CCNH: variants seen among roughly 807,000 people sequenced by gnomAD.
The protein encoded by CCNH is cyclin H.
Under a neutral mutation model 41.9 loss-of-function variants are expected in CCNH, and 31 were observed. The ratio of observed to expected loss-of-function variants is 0.74; its 90% CI spans 0.56 to 1.00. The LOEUF (loss-of-function observed/expected upper bound fraction) is 1.00. CCNH is among the 50% of genes least tolerant of loss of function. The pLI, the probability that CCNH is intolerant of heterozygous loss-of-function variation, is 0.00. For synonymous variants in CCNH, 138 were observed against 136.1 expected (o/e 1.01, Z -0.10); for missense variants, 362 against 388.4 (o/e 0.93, Z 0.57).
intron 7 of CCNH, among the ~76,000 whole-genome samples, chr5:87,398,834 G>A (rs1469176697): frequency 2.0e-5 from 3 of 151,986 alleles, no homozygotes; most frequent in Non-Finnish European, 2.9e-5. Context: ...TTAGCTGGGC[G>A]TGGTGGAGGG....
At chr5:87,386,831 C>G, downstream of CCNH, 1 of 1,612,478 alleles carries the variant, frequency 6.2e-7, no homozygotes, top group Non-Finnish European at 8.5e-7. Flanking sequence ...TTCAGGAGCC[C>G]TACATGGAAG....
chr5:87,327,623 C>G (rs1006408603), intron 9 of CCNH, among the ~76,000 whole-genome samples: 4 of 152,136 alleles, frequency 2.6e-5, no homozygotes, highest in African/African-American at 7.2e-5. Context: ...CATAATCATA[C>G]TTCTTTGAGT....
intron 9 of CCNH, among the ~76,000 whole-genome samples, chr5:87,329,676 G>C (rs1757472522): frequency 6.6e-6 from 1 of 152,122 alleles, no homozygotes; most frequent in East Asian, 1.9e-4. Context: ...TAAAAATAGA[G>C]ATTTTTAAAA....
chr5:87,350,742 G>A (rs1759200851), intron 9 of CCNH, among the ~76,000 whole-genome samples: 1 of 151,082 alleles, frequency 6.6e-6, no homozygotes, highest in South Asian at 2.1e-4. Flanking sequence ...TTAAATGTAT[G>A]TTAATTTAGT....
At chr5:87,350,278 A>G (rs1759166504) in intron 9 of CCNH, among the ~76,000 whole-genome samples, 1 of 151,880 alleles carries the variant, frequency 6.6e-6, no homozygotes, top group South Asian at 2.1e-4. Flanking sequence ...CCTACCTCAT[A>G]TACAGGTTGC....
downstream of CCNH, among the ~76,000 whole-genome samples, chr5:87,388,283 T>G (rs994883014): frequency 3.9e-5 from 6 of 152,194 alleles, no homozygotes; most frequent in African/African-American, 1.4e-4. Flanking sequence ...TGTTTTGCAG[T>G]TTTTAGCAAT....
At chr5:87,335,775 T>C (rs1183549498) in intron 9 of CCNH, among the ~76,000 whole-genome samples, 2 of 152,116 alleles carry the variant, frequency 1.3e-5, no homozygotes, top group Non-Finnish European at 2.9e-5. Flanking sequence ...CTAGAAGATA[T>C]AGATAGCTCA....
At chr5:87,400,914 A>C (rs542029136) in intron 6 of CCNH, among the ~76,000 whole-genome samples, 325 of 152,314 alleles carry the variant, frequency 2.1e-3, no homozygotes, top group Middle Eastern at 3.4e-3. Flanking sequence ...ATTCTACTCA[A>C]CTCTCAACAC....
chr5:87,402,739 T>C (rs1763509649), intron 5 of CCNH, among the ~76,000 whole-genome samples: 1 of 152,168 alleles, frequency 6.6e-6, no homozygotes, highest in South Asian at 2.1e-4. Flanking sequence ...CATTTCTGGC[T>C]ACCAGTAATT....
upstream of CCNH, chr5:87,379,770 G>T: frequency 6.2e-7 from 1 of 1,612,592 alleles, no homozygotes; most frequent in South Asian, 1.1e-5. Flanking sequence ...ATGAAGATGT[G>T]AACACTAATT....
downstream of CCNH, chr5:87,389,241 G>C (rs1217321607): frequency 2.3e-6 from 2 of 870,376 alleles, no homozygotes; most frequent in Admixed American, 2.2e-5. Flanking sequence ...TGAGGCAGGA[G>C]AATCGCTTGA....
chr5:87,322,392 C>T (rs1005340292), intron 9 of CCNH, among the ~76,000 whole-genome samples: 15 of 152,216 alleles, frequency 9.9e-5, no homozygotes, highest in Admixed American at 2.6e-4. Context: ...TTATGAGAAT[C>T]TAATGGTTGA....
At chr5:87,385,811 C>T (rs1762024915) in intron 9 of CCNH, among the ~76,000 whole-genome samples, 1 of 151,996 alleles carries the variant, frequency 6.6e-6, no homozygotes, top group African/African-American at 2.4e-5. Flanking sequence ...TATCATGCCT[C>T]CTGCTTTTGT....
downstream of CCNH, among the ~76,000 whole-genome samples, chr5:87,315,068 A>T (rs1048705051): frequency 2.6e-5 from 4 of 152,250 alleles, no homozygotes; most frequent in African/African-American, 9.6e-5. Context: ...TTTTATATTA[A>T]AATGGATATA....
Position 87,333,998 on chromosome 5 carries a change from A to T in CCNH, c.*91-15101T>A, listed in dbSNP as rs951853947. On this transcript the variant is annotated intron_variant and NMD_transcript_variant, in intron 9 of 9. Transcript: ENST00000645953. ...GTAATTTTAAAAAATTTTTAGTGGG[A>T]TCATTTAGGACAGCAGTTCTGTAAG... Among the ~76,000 whole-genome samples the T allele has an allele frequency of 1.2e-4, 18 of 152,140 alleles. 1 individual carries two copies. The highest frequency in any genetic ancestry group is 9.8e-4 in the Admixed American group (15 of 15,268).
At chr5:87,333,077 T>C (rs1580283923) in intron 9 of CCNH, among the ~76,000 whole-genome samples, 1 of 152,088 alleles carries the variant, frequency 6.6e-6, no homozygotes, top group African/African-American at 2.4e-5. Flanking sequence ...AAAATATGAT[T>C]TTCATAAAAA....
intron 9 of CCNH, chr5:87,385,201 A>G (rs1006218672): frequency 1.3e-6 from 1 of 791,024 alleles, no homozygotes; most frequent in African/African-American, 1.7e-5. Flanking sequence ...AATGGGTAGT[A>G]GTTTAACAGT....
At chr5:87,312,469 T>C in the CCNH span, among the ~76,000 whole-genome samples, 1 of 152,212 alleles carries the variant, frequency 6.6e-6, no homozygotes, top group African/African-American at 2.4e-5. Flanking sequence ...CATTTAAGAT[T>C]TTCTGAGTTC....
chr5:87,335,419 GTTTTTTTTTTT>G (rs34986349), intron 9 of CCNH, among the ~76,000 whole-genome samples: 1 of 72,924 alleles, frequency 1.4e-5, no homozygotes, highest in African/African-American at 5.5e-5. Context: ...AAAGAATGAG[GTTTTTTTTTTT>G]TTTTTTTTTT....
Sources: gnomAD v4.1 joint callset for allele counts (sites outside exome capture counted in the v4.1 genomes callset) on GRCh38, gnomAD v4.1.1 for gene constraint, MANE v1.5 for transcripts, NCBI Gene and HGNC (gene_info 2026-07-23, HGNC 2026-07-21) for gene names.